ACSBG2: variants seen among roughly 807,000 people sequenced by gnomAD.
ACSBG2 encodes acyl-CoA synthetase bubblegum family member 2, also known as long-chain-fatty-acid--CoA ligase ACSBG2.
Under a neutral mutation model 74.7 loss-of-function variants are expected in ACSBG2, and 62 were observed. The ratio of observed to expected loss-of-function variants is 0.83; its 90% confidence interval spans 0.68 to 1.03. The LOEUF (loss-of-function observed/expected upper bound fraction) is 1.03. ACSBG2 is among the 50% of genes least tolerant of loss of function. The pLI is 0.00. For synonymous variants in ACSBG2, 309 were observed against 294.1 expected (o/e 1.05, Z -0.52); for missense variants, 730 against 817.6 (o/e 0.89, Z 1.31).
At chr19:6,150,026 G>A (rs563789956) in intron 3 of ACSBG2, among the ~76,000 whole-genome samples, 1 of 151,986 alleles carries the variant, frequency 6.6e-6, no homozygotes, top group South Asian at 2.1e-4. Context: ...CTGGAGCCTG[G>A]GAAGTTGAAG....
chr19:6,150,939 C>T (rs191308476), intron 3 of ACSBG2, among the ~76,000 whole-genome samples: 10 of 151,788 alleles, frequency 6.6e-5, no homozygotes, highest in Admixed American at 4.6e-4. Flanking sequence ...CATGGTGAAA[C>T]GCTGACTCTA....
chr19:6,183,493 T>C (rs549455542), intron 10 of ACSBG2, among the ~76,000 whole-genome samples: 1 of 152,336 alleles, frequency 6.6e-6, no homozygotes, highest in African/African-American at 2.4e-5. Flanking sequence ...GAACATTCCA[T>C]GGTCTCCCCG....
At chr19:6,190,431 T>A (rs538696385) in intron 13 of ACSBG2, 153 bp from the exon 14 acceptor site, 5 of 627,484 alleles carry the variant, frequency 8.0e-6, no homozygotes. Flanking sequence ...ATCATCCCCA[T>A]ACAGATGGCA....
At chr19:6,187,889 TG>T (rs2090456191) in intron 13 of ACSBG2, 44 bp downstream of exon 13, 1 of 1,598,308 alleles carries the variant, frequency 6.3e-7, no homozygotes, top group Admixed American at 1.7e-5. Flanking sequence ...TGTTAGCATC[TG>T]GGACTGTGTG....
Position 6,147,523 on chromosome 19 carries a change from A to T in ACSBG2, c.145A>T (p.Thr49Ser). 2.5e-6 allele frequency: 4 copies of T among 1,614,070 alleles called. No individual in the cohort carries two copies. The highest frequency in any genetic ancestry group is 3.3e-5 in the Admixed American group (2 of 59,994). Residue 49 changes from threonine to serine, a missense_variant, in exon 3 of 15, where the codon ACC becomes TCC. Coordinates refer to ENST00000588485, the MANE Select transcript of ACSBG2 (RefSeq NM_030924.5). The stretch of plus-strand genomic sequence containing the variant: ...ATCCAAACACGGACCAGGCCATGAG[A>T]CCCCGATGACCATCCCTGAATTTTT... ...RLSKHGPGHE[T>S]PMTIPEFFRE...
At position 6,182,978 on chromosome 19, in the gene ACSBG2, C is replaced by T. The variant is rs1483830356; in HGVS notation, c.1088+46C>T. 3 of 1,612,582 alleles carry T rather than the reference C, an allele frequency of 1.9e-6. No individual in the cohort carries two copies. In the South Asian group the frequency reaches 3.3e-5, roughly 18 times the overall value. Reference sequence around the variant, plus strand: ...GCTGGGAGGGTAGTTGGTGAGGAGGCTCAGCCTTCTCCAGTGGGTCCCATC... The same window carrying T: ...GCTGGGAGGGTAGTTGGTGAGGAGGTTCAGCCTTCTCCAGTGGGTCCCATC... On this transcript the variant is annotated intron_variant, in intron 9 of 14. Transcript: ENST00000588485.
intron 14 of ACSBG2, chr19:6,191,423 C>G (rs2145301904): frequency 6.6e-6 from 1 of 152,288 alleles, no homozygotes. Context: ...GCTTAAACAA[C>G]ATAAACTTAT....
At chr19:6,142,084 C>T (rs2088864887) in intron 2 of ACSBG2, among the ~76,000 whole-genome samples, 1 of 152,088 alleles carries the variant, frequency 6.6e-6, no homozygotes, top group African/African-American at 2.4e-5. Flanking sequence ...GCAAGTTGTT[C>T]ACATAATTCA....
rs143818171 is a variant in ACSBG2 at position 6,146,075 on chromosome 19, C to T, written c.68-1371C>T. 3.9e-5 allele frequency among the ~76,000 whole-genome samples: 6 copies of T among 152,238 alleles called. No individual in the cohort carries two copies. In the East Asian group the frequency reaches 5.8e-4, roughly 15 times the overall value. On this transcript the variant is annotated intron_variant, in intron 2 of 14. Coordinates refer to ENST00000588485, the MANE Select transcript of ACSBG2 (RefSeq NM_030924.5). ...TACATTTTACCTTTAAAAAAATCTC[C>T]GTAAATAATATTAAATATGTGACTC... is the stretch of plus-strand genomic sequence containing the variant.
chr19:6,165,728 G>A lies in ACSBG2; in HGVS notation c.589-138G>A, dbSNP rs912279315. 5 of 995,960 alleles carry A rather than the reference G, an allele frequency of 5.0e-6. No individual in the cohort carries two copies. In the African/African-American group the frequency reaches 6.5e-5, roughly 13 times the overall value. 61.7% of individuals were successfully genotyped at this position (995,960 alleles called of 1,614,324 possible). A position where few individuals can be genotyped will look rare whatever the true frequency, so the allele number is the denominator to read the frequency against. On this transcript the variant is annotated intron_variant, in intron 6 of 14. Coordinates refer to ENST00000588485, the MANE Select transcript of ACSBG2 (RefSeq NM_030924.5). ...CAGAGATCTTGGGACTTTTGTAAGAGGTGCCAGGACTGGCACATCCTAAGC... is the reference window on the plus strand; with the variant it reads ...CAGAGATCTTGGGACTTTTGTAAGAAGTGCCAGGACTGGCACATCCTAAGC...
chr19:6,169,654 C>A (rs2089909752), intron 7 of ACSBG2, among the ~76,000 whole-genome samples: 1 of 152,064 alleles, frequency 6.6e-6, no homozygotes, highest in Non-Finnish European at 1.5e-5. Flanking sequence ...TGTGATGAAT[C>A]TGTAGATTGC....
At chr19:6,166,161 TA>T (rs1331401323) in intron 7 of ACSBG2, 146 bp downstream of exon 7, 10 of 1,003,894 alleles carry the variant, frequency 1.0e-5, no homozygotes, top group Non-Finnish European at 1.4e-5. Context: ...GTTGCTTCAC[TA>T]GGGGGCAGCA....
chr19:6,151,735 G>A lies in ACSBG2; in HGVS notation c.326G>A (p.Gly109Asp), dbSNP rs765645903. ...KLGLERFHGV[G>D]ILGFNSAEWF... ...GGTTTGGAGCGTTTCCACGGAGTTG[G>A]TATCCTGGGGTTTAACTCTGCAGAG... The change falls in exon 4 of 15, where the codon GGT becomes GAT. Residue 109 changes from glycine to aspartate, a missense_variant. Transcript: ENST00000588485. 6.2e-7 allele frequency: 1 copy of A among 1,602,852 alleles called. No individual in the cohort carries two copies. The highest frequency in any genetic ancestry group is 8.5e-7 in the Non-Finnish European group (1 of 1,174,518).
chr19:6,183,148 C>A lies in ACSBG2; in HGVS notation c.1198C>A (p.Pro400Thr), dbSNP rs1310573401. 3 of 1,614,090 alleles carry A rather than the reference C, an allele frequency of 1.9e-6. No homozygotes were observed. Among genetic ancestry groups the A allele is most frequent in the African/African-American group, 1.3e-5 (1 of 74,944 alleles). ...HCHSFISGTAPLNQETAEFFL... is the reference protein window; with the variant it reads ...HCHSFISGTATLNQETAEFFL... The stretch of plus-strand genomic sequence containing the variant: ...TCACTCTTTTATCAGTGGGACTGCG[C>A]CCCTCAACCAAGAGACTGCCGAGTT... Residue 400 changes from proline to threonine, a missense_variant, in exon 10 of 15, where the codon CCC (proline) becomes ACC (threonine). Coordinates refer to ENST00000588485, the MANE Select transcript of ACSBG2 (RefSeq NM_030924.5).
In ACSBG2 at chr19:6,142,119, A is replaced by G. The variant is rs115031390; in HGVS notation, c.67+509A>G. 4.8e-3 allele frequency among the ~76,000 whole-genome samples: 725 copies of G among 152,202 alleles called. 10 individuals carry two copies. Among genetic ancestry groups the G allele is most frequent in the African/African-American group, 0.017 (696 of 41,494 alleles). On this transcript the variant is annotated intron_variant, in intron 2 of 14. Coordinates refer to ENST00000588485, the MANE Select transcript of ACSBG2 (RefSeq NM_030924.5). ...AGAGCTCTGCTCTACTGGTGATGTG[A>G]CACTGGGCAAGTCACTTGCTCTTTG...
At chr19:6,181,024 T>A (rs1346382258) in intron 8 of ACSBG2, among the ~76,000 whole-genome samples, 3 of 140,416 alleles carry the variant, frequency 2.1e-5, no homozygotes, top group African/African-American at 8.0e-5. Context: ...ATGGTGAAAC[T>A]CCGTCTCCTC....
chr19:6,142,913 G>C (rs1289670479), intron 2 of ACSBG2, among the ~76,000 whole-genome samples: 1 of 152,034 alleles, frequency 6.6e-6, no homozygotes, highest in Non-Finnish European at 1.5e-5. Context: ...CCAAAGGGTG[G>C]AATATTCATC....
chr19:6,145,995 C>T lies in ACSBG2; in HGVS notation c.68-1451C>T, dbSNP rs191948174. ...TTAAATCTTCTCCCCATGAACGACA[C>T]ACATAACTCACTTCTTATGTTTCAT... is the stretch of plus-strand genomic sequence containing the variant. On this transcript the variant is annotated intron_variant, in intron 2 of 14. Transcript: ENST00000588485. Among the ~76,000 whole-genome samples, 35 of 152,280 alleles carry T rather than the reference C, an allele frequency of 2.3e-4. 1 individual carries two copies. In the East Asian group the frequency reaches 6.6e-3, roughly 29 times the overall value.
chr19:6,190,546 T>C, intron 13 of ACSBG2, 38 bp from the exon 14 acceptor site: 1 of 1,585,736 alleles, frequency 6.3e-7, no homozygotes, highest in South Asian at 1.1e-5. Flanking sequence ...AATTTTCTTT[T>C]ATCTCCACAA....
Sources: allele counts gnomAD v4.1 joint callset (sites outside exome capture counted in the v4.1 genomes callset), GRCh38; gene constraint gnomAD v4.1.1; transcripts MANE v1.5; gene names NCBI Gene and HGNC (gene_info 2026-07-23, HGNC 2026-07-21).